MCF2L2: variants seen among roughly 807,000 people sequenced by gnomAD.
MCF2L2 encodes MCF.2 cell line derived transforming sequence-like 2.
In MCF2L2, 102 loss-of-function variants were observed where a neutral mutation model predicts 150.2. The ratio of observed to expected loss-of-function variants is 0.68; its 90% confidence interval spans 0.58 to 0.80. MCF2L2 has a LOEUF of 0.80. MCF2L2 is among the 30% of genes least tolerant of loss of function. The pLI is 0.00. For missense variants in MCF2L2, 1,256 were observed against 1,372.8 expected (o/e 0.91, Z 1.34); for synonymous variants, 465 against 491.3 (o/e 0.95, Z 0.71).
At chr3:183,398,547 A>C (rs1487023338) in intron 1 of MCF2L2, among the ~76,000 whole-genome samples, 1 of 151,346 alleles carries the variant, frequency 6.6e-6, no homozygotes, top group Non-Finnish European at 1.5e-5. Flanking sequence ...TGTTATAAAT[A>C]TAATATGCTT....
At chr3:183,310,584 G>T in intron 9 of MCF2L2, 1 of 313,156 alleles carries the variant, frequency 3.2e-6, no homozygotes, top group East Asian at 1.1e-4. Context: ...GATAGCTTGA[G>T]CCCAGAAGAT....
intron 27 of MCF2L2, among the ~76,000 whole-genome samples, chr3:183,186,296 C>A (rs1324562868): frequency 1.3e-5 from 2 of 152,104 alleles, no homozygotes; most frequent in Non-Finnish European, 2.9e-5. Flanking sequence ...TTACTCTTGC[C>A]CAGGAGAGGT....
chr3:183,285,203 A>G (rs1727719117), intron 14 of MCF2L2, among the ~76,000 whole-genome samples: 1 of 152,208 alleles, frequency 6.6e-6, no homozygotes, highest in South Asian at 2.1e-4. Flanking sequence ...AAATTCACCA[A>G]GATCCTGCTA....
In MCF2L2 at chr3:183,197,050, C is replaced by G. The variant is rs912805353; in HGVS notation, c.2885-1795G>C. Among the ~76,000 whole-genome samples, 1 of 152,124 alleles carries G rather than the reference C, an allele frequency of 6.6e-6. No homozygotes were observed. The highest frequency in any genetic ancestry group is 1.5e-5 in the Non-Finnish European group (1 of 68,022). The stretch of plus-strand genomic sequence containing the variant: ...TTAATATTGTTAAGAAGTCAATTCT[C>G]ACCAAATTGTTCTAGAGATTTTACA... On this transcript the variant is annotated intron_variant, in intron 25 of 29. Coordinates refer to ENST00000328913, the MANE Select transcript of MCF2L2 (RefSeq NM_015078.4). This position sits in a 1 kb window ranked among gnomAD's most constrained non-coding sequence, Gnocchi z 4.5.
At chr3:183,389,599 G>T in intron 2 of MCF2L2, 97 bp downstream of exon 2, 1 of 1,047,594 alleles carries the variant, frequency 9.5e-7, no homozygotes, top group East Asian at 2.4e-5. Context: ...GGGTGAGTGA[G>T]ATTTGAGTAT....
chr3:183,407,990 T>C (rs1171848032), intron 1 of MCF2L2, among the ~76,000 whole-genome samples: 2 of 152,116 alleles, frequency 1.3e-5, no homozygotes, highest in East Asian at 3.8e-4. Context: ...TGTGAAACCC[T>C]GAGGGCTAGG....
At chr3:183,403,644 C>A (rs774828434) in intron 1 of MCF2L2, among the ~76,000 whole-genome samples, 2 of 152,152 alleles carry the variant, frequency 1.3e-5, no homozygotes, top group Non-Finnish European at 2.9e-5. Context: ...GTTCCATCCT[C>A]GAAGGAATCT....
chr3:183,226,879 A>T (rs973983463), intron 18 of MCF2L2: 2 of 152,244 alleles, frequency 1.3e-5, no homozygotes, highest in East Asian at 3.8e-4. Context: ...AGTATAAAAT[A>T]GTTTTCAGTG....
chr3:183,370,922 T>C (rs1315787743), intron 3 of MCF2L2, among the ~76,000 whole-genome samples: 1 of 152,190 alleles, frequency 6.6e-6, no homozygotes, highest in African/African-American at 2.4e-5. Context: ...TCTACCCTCC[T>C]TGGGCAACAC....
At chr3:183,402,003 A>G (rs1714779953) in intron 1 of MCF2L2, among the ~76,000 whole-genome samples, 1 of 152,220 alleles carries the variant, frequency 6.6e-6, no homozygotes, top group Non-Finnish European at 1.5e-5. Context: ...AAACTGTCAA[A>G]TCTTTTCCCA....
At chr3:183,315,273 C>T (rs1169687210) in intron 7 of MCF2L2, among the ~76,000 whole-genome samples, 1 of 151,984 alleles carries the variant, frequency 6.6e-6, no homozygotes, top group Non-Finnish European at 1.5e-5. Flanking sequence ...GTTAATATTA[C>T]TTGGTAAAAT....
chr3:183,198,904 A>T (rs1722162759), intron 25 of MCF2L2, among the ~76,000 whole-genome samples: 1 of 152,114 alleles, frequency 6.6e-6, no homozygotes, highest in Admixed American at 6.6e-5. Flanking sequence ...CCTCTAGGAC[A>T]CTCCTACTCA....
intron 15 of MCF2L2, chr3:183,271,526 TAG>T (rs765004234): frequency 5.4e-5 from 9 of 167,214 alleles, no homozygotes; most frequent in Non-Finnish European, 1.0e-4. Flanking sequence ...CTACTGGTGT[TAG>T]AGTCATTAAA....
intron 15 of MCF2L2, among the ~76,000 whole-genome samples, chr3:183,243,574 T>C (rs1724125257): frequency 6.6e-6 from 1 of 152,226 alleles, no homozygotes; most frequent in South Asian, 2.1e-4. Context: ...CCTAAGTTCA[T>C]GGTTTTCTTC....
chr3:183,420,221 C>A (rs1715806326), intron 1 of MCF2L2, among the ~76,000 whole-genome samples: 1 of 152,204 alleles, frequency 6.6e-6, no homozygotes. Context: ...GTTCCAATGT[C>A]AATTCCACAT....
intron 7 of MCF2L2, among the ~76,000 whole-genome samples, chr3:183,315,456 A>G (rs1482619183): frequency 1.3e-5 from 2 of 152,232 alleles, no homozygotes; most frequent in Admixed American, 6.5e-5. Context: ...GGCCAATTAA[A>G]TGGAACCTTC....
chr3:183,254,307 G>T (rs1406305995), intron 15 of MCF2L2: 2 of 151,868 alleles, frequency 1.3e-5, no homozygotes, highest in African/African-American at 4.8e-5. Flanking sequence ...CCCTGGCCCG[G>T]ACCGCGCACG....
chr3:183,374,215 TG>T (rs1713049671), intron 3 of MCF2L2: 1 of 152,420 alleles, frequency 6.6e-6, no homozygotes, highest in Non-Finnish European at 1.5e-5. Flanking sequence ...CTCCTTAACT[TG>T]GGGGTAAAGG....
chr3:183,224,517 C>T (rs1264985195), intron 18 of MCF2L2: 2 of 204,084 alleles, frequency 9.8e-6, no homozygotes, highest in African/African-American at 2.3e-5. Flanking sequence ...TCCAGGACAT[C>T]GACATCTCCC....
Sources: allele counts gnomAD v4.1 joint callset (sites outside exome capture counted in the v4.1 genomes callset), GRCh38; gene constraint gnomAD v4.1.1; non-coding constraint Gnocchi (gnomAD v3.1); transcripts MANE v1.5; gene names NCBI Gene and HGNC (gene_info 2026-07-23, HGNC 2026-07-21).